Variants in NXPE3 observed in about 807,000 individuals in gnomAD.
NXPE3 encodes the protein neurexophilin and PC-esterase domain family member 3, also known as NXPE family member 3.
Under a neutral mutation model 46.1 loss-of-function variants are expected in NXPE3, and 26 were observed. The observed-to-expected ratio is 0.56, with a 90% CI of 0.41 to 0.78. The LOEUF is 0.78. Among genes scored for constraint, NXPE3 ranks in the 30% least tolerant of loss-of-function variants. The probability of loss-of-function intolerance (pLI) is 0.00; values close to 1 mark genes in which losing one functional copy is unlikely to be tolerated. For synonymous variants in NXPE3, 272 were observed against 257.9 expected, an observed-to-expected ratio of 1.05 and a Z score of -0.52; for missense variants, 620 against 686.0, an observed-to-expected ratio of 0.90 and a Z score of 1.07.
rs1377636675 is a variant in NXPE3, at chr3:101,825,857, G to A, written c.*3903G>A. 2.0e-5 allele frequency: 3 copies of A among 152,196 alleles called. No individual in the cohort carries two copies. Among genetic ancestry groups the A allele is most frequent in the African/African-American group, 7.2e-5 (3 of 41,438 alleles). The allele number at this position is 152,196 out of a possible 1,614,324, so 9.4% of individuals were successfully genotyped here. ...TTAATGTAGTGAATCTCATATTCCAGAACTGAGATGATTGATTTGATGCTA... is the reference window on the plus strand; with the variant it reads ...TTAATGTAGTGAATCTCATATTCCAAAACTGAGATGATTGATTTGATGCTA... On this transcript the variant is annotated 3_prime_UTR_variant, in exon 8 of 8. Coordinates refer to ENST00000273347, the MANE Select transcript of NXPE3 (RefSeq NM_145037.4).
rs777766301 is a variant in NXPE3 at position 101,801,476 on chromosome 3, A to G, written c.335A>G (p.Asn112Ser). 3 of 1,613,710 alleles carry G rather than the reference A, an allele frequency of 1.9e-6. No individual in the cohort carries two copies. The highest frequency in any genetic ancestry group is 2.2e-5 in the South Asian group (2 of 91,064). The change falls in exon 5 of 8, where the codon AAC (asparagine) becomes AGC (serine). Residue 112 changes from asparagine to serine, a missense_variant. Asn to Ser is a conservative substitution (Grantham distance 46). Transcript: ENST00000273347. ...DPSSSYFVIL[N>S]SAAFFKVGSQ... ...TCTTCCAGCTACTTTGTCATCTTGA[A>G]CTCTGCTGCCTTCTTTAAGGTGGGA...
intron 6 of NXPE3, among the ~76,000 whole-genome samples, chr3:101,812,585 G>A (rs1414651706): frequency 6.6e-6 from 1 of 151,898 alleles, no homozygotes; most frequent in African/African-American, 2.4e-5. Flanking sequence ...AGGCCGAGGC[G>A]GGTGGGTCAT....
rs1395561903 is a variant in NXPE3 at position 101,827,691 on chromosome 3, C to T, written c.*5737C>T. Among the ~76,000 whole-genome samples, 1 of 152,160 alleles carries T rather than the reference C, an allele frequency of 6.6e-6. No individual in the cohort carries two copies. The highest frequency in any genetic ancestry group is 1.5e-5 in the Non-Finnish European group (1 of 68,026). On this transcript the variant is annotated 3_prime_UTR_variant, in exon 8 of 8. Transcript: ENST00000273347. ...TGTAGATGTTGCCTCTGATTCCTCC[C>T]TGCGGCTCCAGTCCAGGTCTTGGAG...
In NXPE3 at chr3:101,801,277, A is replaced by G. The variant is rs1941124747; in HGVS notation, c.136A>G (p.Ser46Gly). The change falls in exon 5 of 8, where the codon AGT becomes GGT. Residue 46 changes from serine (S) to glycine (G), a missense_variant. By Grantham distance (56) the Ser-to-Gly change is moderately conservative (BLOSUM62 0). Coordinates refer to ENST00000273347, the MANE Select transcript of NXPE3 (RefSeq NM_145037.4). The part of the protein sequence containing the change: ...ETVSATFIDS[S>G]GQFVSSQVTG... ...TGTTTCAGCCACTTTCATCGACAGC[A>G]GTGGACAGTTTGTTTCCTCCCAGGT... The G allele has an allele frequency of 1.9e-6, 3 of 1,613,984 alleles. No individual in the cohort carries two copies. The highest frequency in any genetic ancestry group is 1.6e-4 in the Middle Eastern group (1 of 6,062).
At chr3:101,792,005 G>T (rs1368632876) in intron 4 of NXPE3, among the ~76,000 whole-genome samples, 1 of 152,136 alleles carries the variant, frequency 6.6e-6, no homozygotes, top group Non-Finnish European at 1.5e-5. Flanking sequence ...AGATCTCACT[G>T]TGGTTTTGAT....
intron 1 of NXPE3, among the ~76,000 whole-genome samples, chr3:101,780,823 G>A (rs1212254357): frequency 2.6e-5 from 4 of 152,190 alleles, no homozygotes; most frequent in Admixed American, 2.0e-4. Flanking sequence ...TTGGAAGAAG[G>A]GCAAGGGAAG....
rs1942283402 is a variant in NXPE3, at chr3:101,822,050, A to G, written c.*96A>G. Reference sequence around the variant, plus strand: ...CCCCAGTGAGAGATGACTGCCCTTAATAAGTATAAAATTTCAAAAAGATCT... The same window carrying G: ...CCCCAGTGAGAGATGACTGCCCTTAGTAAGTATAAAATTTCAAAAAGATCT... On this transcript the variant is annotated 3_prime_UTR_variant, in exon 8 of 8. Coordinates refer to ENST00000273347, the MANE Select transcript of NXPE3 (RefSeq NM_145037.4). 1 of 1,080,648 alleles carries G rather than the reference A, an allele frequency of 9.3e-7. No individual in the cohort carries two copies. The highest frequency in any genetic ancestry group is 1.3e-6 in the Non-Finnish European group (1 of 744,646). The allele number at this position is 1,080,648 out of a possible 1,614,324, so 66.9% of individuals were successfully genotyped here.
chr3:101,811,744 T>C (rs1357078855), intron 6 of NXPE3, among the ~76,000 whole-genome samples: 1 of 148,520 alleles, frequency 6.7e-6, no homozygotes, highest in Non-Finnish European at 1.5e-5. Flanking sequence ...TTTTTTTTTT[T>C]TTTTTTTGAG....
At position 101,822,853 on chromosome 3, in the gene NXPE3, T is replaced by A. The variant is rs1266057779; in HGVS notation, c.*899T>A. The A allele has an allele frequency of 6.6e-6, 1 of 151,936 alleles. No homozygotes were observed. The highest frequency in any genetic ancestry group is 1.5e-5 in the Non-Finnish European group (1 of 68,000). The allele number at this position is 151,936 out of a possible 1,614,324, so 9.4% of individuals were successfully genotyped here. A position where few individuals can be genotyped will look rare whatever the true frequency, so the allele number is the denominator to read the frequency against. ...TTTCAGGTGTTTTTTTTTTTGTTGT[T>A]GTTGTTGTTATTTTGAACTACTTAC... is the stretch of plus-strand genomic sequence containing the variant. On this transcript the variant is annotated 3_prime_UTR_variant, in exon 8 of 8. Coordinates refer to ENST00000273347, the MANE Select transcript of NXPE3 (RefSeq NM_145037.4).
chr3:101,801,309 A>C lies in NXPE3; in HGVS notation c.168A>C (p.Gly56=). ...SGQFVSSQVT[G]ISRNPYCGYD... ...AGTTTGTTTCCTCCCAGGTGACAGG[A>C]ATTAGCCGAAATCCCTACTGTGGCT... is the stretch of plus-strand genomic sequence containing the variant. Residue 56 remains glycine, a synonymous_variant, in exon 5 of 8, where the codon GGA becomes GGC. Coordinates refer to ENST00000273347, the MANE Select transcript of NXPE3 (RefSeq NM_145037.4). 1 of 1,614,158 alleles carries C rather than the reference A, an allele frequency of 6.2e-7. No homozygotes were observed. Among genetic ancestry groups the C allele is most frequent in the East Asian group, 2.2e-5 (1 of 44,866 alleles).
At chr3:101,783,546 T>C (rs1174567965) in intron 3 of NXPE3, among the ~76,000 whole-genome samples, 1 of 152,252 alleles carries the variant, frequency 6.6e-6, no homozygotes, top group African/African-American at 2.4e-5. Flanking sequence ...CTTGCATTGC[T>C]GCCTCTGGTC....
At chr3:101,790,444 G>A (rs937283186) in intron 4 of NXPE3, among the ~76,000 whole-genome samples, 22 of 152,122 alleles carry the variant, frequency 1.4e-4, no homozygotes, top group Admixed American at 1.3e-3. Context: ...GTGTCCTCTT[G>A]ATGAATTTAG....
At chr3:101,795,853 T>C (rs938067904) in intron 4 of NXPE3, among the ~76,000 whole-genome samples, 7 of 152,214 alleles carry the variant, frequency 4.6e-5, no homozygotes, top group Non-Finnish European at 7.4e-5. Context: ...CCTTCTTTTG[T>C]GTGTTACCTT....
chr3:101,783,465 A>G (rs1939953650), intron 3 of NXPE3, among the ~76,000 whole-genome samples: 1 of 152,242 alleles, frequency 6.6e-6, no homozygotes, highest in Non-Finnish European at 1.5e-5. Flanking sequence ...CTTACAGCAC[A>G]GAGTCAGGTC....
At chr3:101,785,733 TG>T (rs1197704361) in intron 4 of NXPE3, 44 bp downstream of exon 4, 4 of 1,500,090 alleles carry the variant, frequency 2.7e-6, no homozygotes, top group African/African-American at 2.8e-5. Context: ...GAGCCGAGTC[TG>T]GGGATCTGGG....
At chr3:101,780,377 T>G (rs993791155) in intron 1 of NXPE3, among the ~76,000 whole-genome samples, 2 of 152,228 alleles carry the variant, frequency 1.3e-5, no homozygotes, top group Non-Finnish European at 2.9e-5. Flanking sequence ...AAGGGATAAA[T>G]CACTGAAGTG....
rs1353973184 is a variant in NXPE3 at position 101,827,925 on chromosome 3, C to G, written c.*5971C>G. 1 of 152,386 alleles carries G rather than the reference C, an allele frequency of 6.6e-6. No homozygotes were observed. Among genetic ancestry groups the G allele is most frequent in the East Asian group, 1.9e-4 (1 of 5,204 alleles). 9.4% of individuals were successfully genotyped at this position (152,386 alleles called of 1,614,324 possible). ...AACAGGCTCTTAGCTTCCCCCGCCC[C>G]CGTCCTCACTAGAGTGGAGAACTGA... On this transcript the variant is annotated 3_prime_UTR_variant, in exon 8 of 8. Coordinates refer to ENST00000273347, the MANE Select transcript of NXPE3 (RefSeq NM_145037.4).
rs112134088 is a variant in NXPE3, at chr3:101,811,935, T to C, written c.922+4809T>C. Among the ~76,000 whole-genome samples the C allele has an allele frequency of 3.1e-3, 473 of 152,124 alleles. 3 individuals carry two copies. Among genetic ancestry groups the C allele is most frequent in the African/African-American group, 0.011 (441 of 41,506 alleles). On this transcript the variant is annotated intron_variant, in intron 6 of 7. Transcript: ENST00000273347. The stretch of plus-strand genomic sequence containing the variant: ...TTTTTAGTAAAGATGTGGTTTTGTA[T>C]GTTGGCCAGCCTGGTCTGAAACTCC...
Position 101,827,052 on chromosome 3 carries a change from T to A in NXPE3, c.*5098T>A, listed in dbSNP as rs900701287. ...CTGTCTCAATAAATAAATAAATAAATAAAAAATAAAAAAGTGTGAACTTAA... is the reference window on the plus strand; with the variant it reads ...CTGTCTCAATAAATAAATAAATAAAAAAAAAATAAAAAAGTGTGAACTTAA... On this transcript the variant is annotated 3_prime_UTR_variant, in exon 8 of 8. Transcript: ENST00000273347. The A allele has an allele frequency of 3.3e-5, 5 of 151,956 alleles. No homozygotes were observed. The highest frequency in any genetic ancestry group is 2.1e-4 in the South Asian group (1 of 4,824). The allele number at this position is 151,956 out of a possible 1,614,324, so 9.4% of individuals were successfully genotyped here.
Sources: allele counts gnomAD v4.1 joint callset (sites outside exome capture counted in the v4.1 genomes callset), GRCh38; gene constraint gnomAD v4.1.1; transcripts MANE v1.5; gene names NCBI Gene and HGNC (gene_info 2026-07-23, HGNC 2026-07-21).